AGMO: variants seen among roughly 807,000 people sequenced by gnomAD.
AGMO encodes the protein glyceryl-ether monooxygenase.
Under a neutral mutation model 60.2 loss-of-function variants are expected in AGMO, and 75 were observed. That is an observed-to-expected ratio of 1.25 (90% CI 1.03 to 1.51). AGMO has a LOEUF of 1.51. AGMO is among the 40% of genes most tolerant of loss of function. The pLI is 0.00. For missense variants in AGMO, 763 were observed against 525.5 expected (o/e 1.45, Z -4.42); for synonymous variants, 261 against 177.1 (o/e 1.47, Z -3.76).
At chr7:15,129,626 A>T in the AGMO span, among the ~76,000 whole-genome samples, 2 of 152,114 alleles carry the variant, frequency 1.3e-5, no homozygotes, top group Admixed American at 1.3e-4. Context: ...GAATACAAAC[A>T]AAGTATTAGT....
At chr7:15,229,507 C>CA (rs61390345) in intron 12 of AGMO, among the ~76,000 whole-genome samples, 324 of 140,102 alleles carry the variant, frequency 2.3e-3, no homozygotes, top group Admixed American at 4.5e-3. Context: ...CTCATCCTTC[C>CA]AAAAAAAAAA....
rs561715147 is a variant in AGMO, at chr7:15,385,633, G to GATATTTGAAAA, written c.958-82_958-72dup. The GATATTTGAAAA allele has an allele frequency of 9.8e-5, 84 of 857,884 alleles. No individual in the cohort carries two copies. The African/African-American group carries it at 1.5e-3, about 15-fold the overall frequency. The allele number at this position is 857,884 out of a possible 1,614,324, so 53.1% of individuals were successfully genotyped here. A position where few individuals can be genotyped will look rare whatever the true frequency, so the allele number is the denominator to read the frequency against. The stretch of plus-strand genomic sequence containing the variant: ...TTTCTTACTGAAATTCACACTAAGA[G>GATATTTGAAAA]ATATTTGAAAAAAGTATCTGCTATT... On this transcript the variant is annotated intron_variant, in intron 9 of 12. Transcript: ENST00000342526.
chr7:15,155,368 C>T, the AGMO span, among the ~76,000 whole-genome samples: 1 of 148,306 alleles, frequency 6.7e-6, no homozygotes, highest in African/African-American at 2.5e-5. Flanking sequence ...GAGATCCTTC[C>T]TCAGGTTGGT....
At position 15,354,327 on chromosome 7, in the gene AGMO, T is replaced by TCTATACAC. The variant is rs1491261219; in HGVS notation, c.1263+11186_1263+11187insGTGTATAG. On this transcript the variant is annotated intron_variant, in intron 12 of 12. Transcript: ENST00000342526. ...ACGTGTATACACGCGTGTATATACG[T>TCTATACAC]ACGCGTGTATATACACGCGTGTATA... Among the ~76,000 whole-genome samples, 290 of 32,222 alleles carry TCTATACAC rather than the reference T, an allele frequency of 9.0e-3. 31 individuals carry two copies. Among genetic ancestry groups the TCTATACAC allele is most frequent in the African/African-American group, 0.021 (95 of 4,634 alleles). 21.1% of individuals were successfully genotyped at this position (32,222 alleles called of 152,430 possible).
intron 3 of AGMO, among the ~76,000 whole-genome samples, chr7:15,484,609 G>T (rs555401184): frequency 1.3e-5 from 2 of 152,018 alleles, no homozygotes; most frequent in African/African-American, 4.8e-5. Context: ...TACCAAGTAG[G>T]TATTCCGCTC....
At chr7:15,432,314 G>T (rs1445285526) in intron 3 of AGMO, among the ~76,000 whole-genome samples, 1 of 121,540 alleles carries the variant, frequency 8.2e-6, no homozygotes, top group African/African-American at 3.1e-5. Flanking sequence ...TCATATATAT[G>T]TGTGTGTATA....
In AGMO at chr7:15,347,216, A is replaced by G. The variant is rs58089617; in HGVS notation, c.1263+18298T>C. On this transcript the variant is annotated intron_variant, in intron 12 of 12. Transcript: ENST00000342526. ...TTCAATTGTATGCACGTACAACCGT[A>G]TATACATACATAGATTAAAGGACCT... Among the ~76,000 whole-genome samples the G allele has an allele frequency of 6.2e-3, 936 of 152,154 alleles. 11 individuals carry two copies. Among genetic ancestry groups the G allele is most frequent in the African/African-American group, 0.022 (894 of 41,558 alleles).
intron 3 of AGMO, among the ~76,000 whole-genome samples, chr7:15,450,771 T>C (rs1054910750): frequency 2.6e-5 from 4 of 152,296 alleles, no homozygotes; most frequent in Admixed American, 2.6e-4. Flanking sequence ...CCTTTGGTTT[T>C]ACTGAAAGGC....
intron 1 of AGMO, among the ~76,000 whole-genome samples, chr7:15,561,357 A>G (rs1179292047): frequency 6.6e-6 from 1 of 152,208 alleles, no homozygotes; most frequent in Non-Finnish European, 1.5e-5. Context: ...AGGGGTGGAC[A>G]AGTGAAAGAT....
the AGMO span, among the ~76,000 whole-genome samples, chr7:15,177,158 C>T: frequency 6.6e-6 from 1 of 151,984 alleles, no homozygotes; most frequent in Non-Finnish European, 1.5e-5. Context: ...CTGCTCCATC[C>T]AAATTGTTAG....
At chr7:15,196,852 G>A (rs1023589163), downstream of AGMO, among the ~76,000 whole-genome samples, 5 of 152,180 alleles carry the variant, frequency 3.3e-5, no homozygotes, top group African/African-American at 1.2e-4. Flanking sequence ...GGTTGAAAAT[G>A]TTTACATAAA....
chr7:15,498,220 G>A (rs930196770), intron 3 of AGMO, among the ~76,000 whole-genome samples: 1 of 151,936 alleles, frequency 6.6e-6, no homozygotes, highest in Non-Finnish European at 1.5e-5. Flanking sequence ...CAATTACTTG[G>A]CACACAAATA....
At chr7:15,410,480 G>T (rs1784809088) in intron 5 of AGMO, among the ~76,000 whole-genome samples, 1 of 151,446 alleles carries the variant, frequency 6.6e-6, no homozygotes, top group Admixed American at 6.6e-5. Context: ...AAGTAAGTTG[G>T]GGATTCATTA....
chr7:15,396,106 T>C (rs1224762719), intron 5 of AGMO: 1 of 152,258 alleles, frequency 6.6e-6, no homozygotes, highest in Non-Finnish European at 1.5e-5. Context: ...CCACTTTCCA[T>C]TTCAGAACGG....
chr7:15,392,932 C>A (rs1205052558), intron 6 of AGMO, among the ~76,000 whole-genome samples: 5 of 152,230 alleles, frequency 3.3e-5, no homozygotes, highest in Admixed American at 6.5e-5. Context: ...AGACAAAAAT[C>A]ATCTAATACA....
chr7:15,520,975 A>G (rs1381761805), intron 3 of AGMO, among the ~76,000 whole-genome samples: 4 of 152,192 alleles, frequency 2.6e-5, no homozygotes, highest in Non-Finnish European at 5.9e-5. Flanking sequence ...AAAAGTGACA[A>G]GAATCAAACA....
chr7:15,229,904 T>G (rs919076770), intron 12 of AGMO, among the ~76,000 whole-genome samples: 5 of 151,482 alleles, frequency 3.3e-5, no homozygotes, highest in African/African-American at 1.2e-4. Flanking sequence ...AGAAACATTA[T>G]CTAATACTTT....
intron 12 of AGMO, among the ~76,000 whole-genome samples, chr7:15,294,759 T>C (rs560461102): frequency 6.6e-6 from 1 of 152,008 alleles, no homozygotes; most frequent in African/African-American, 2.4e-5. Context: ...CTAAAGTGTA[T>C]CTAGAGATTT....
At chr7:15,462,552 G>C (rs1023412885) in intron 3 of AGMO, among the ~76,000 whole-genome samples, 3 of 152,060 alleles carry the variant, frequency 2.0e-5, no homozygotes, top group African/African-American at 7.2e-5. Context: ...AAAGTTAATA[G>C]GCGTGGCTAA....
Sources: allele counts gnomAD v4.1 joint callset (sites outside exome capture counted in the v4.1 genomes callset), GRCh38; gene constraint gnomAD v4.1.1; transcripts MANE v1.5; gene names NCBI Gene and HGNC (gene_info 2026-07-23, HGNC 2026-07-21).